AGBL4: variants seen among roughly 807,000 people sequenced by gnomAD.
AGBL4 encodes the protein AGBL carboxypeptidase 4.
Under a neutral mutation model 66.4 loss-of-function variants are expected in AGBL4, and 58 were observed. The observed-to-expected ratio is 0.87, with a 90% CI of 0.71 to 1.09. The LOEUF is 1.09. AGBL4 is among the 50% of genes least tolerant of loss of function. AGBL4 has a pLI of 0.00. For missense variants in AGBL4, 579 were observed against 631.0 expected (o/e 0.92, Z 0.88); for synonymous variants, 234 against 222.9 (o/e 1.05, Z -0.44).
At chr1:49,234,566 G>C (rs1650569756) in intron 4 of AGBL4, among the ~76,000 whole-genome samples, 1 of 152,148 alleles carries the variant, frequency 6.6e-6, no homozygotes, top group Non-Finnish European at 1.5e-5. Flanking sequence ...ACTGATTATA[G>C]AGTATCAGTG....
intron 3 of AGBL4, among the ~76,000 whole-genome samples, chr1:49,387,761 T>G (rs2148586829): frequency 6.6e-6 from 1 of 152,214 alleles, no homozygotes; most frequent in African/African-American, 2.4e-5. Flanking sequence ...TGCTAGACTT[T>G]TGTACCCATT....
intron 2 of AGBL4, among the ~76,000 whole-genome samples, chr1:49,739,840 A>G (rs1650269531): frequency 6.6e-6 from 1 of 152,220 alleles, no homozygotes. Flanking sequence ...TCCTTCACAG[A>G]CAAGCAAATG....
At chr1:48,905,177 G>C (rs572893009) in intron 5 of AGBL4, among the ~76,000 whole-genome samples, 2 of 152,264 alleles carry the variant, frequency 1.3e-5, no homozygotes, top group East Asian at 1.9e-4. Flanking sequence ...TCCTTTTCAA[G>C]GGCCCTCAAC....
intron 3 of AGBL4, among the ~76,000 whole-genome samples, chr1:49,250,721 G>A (rs560392744): frequency 9.9e-5 from 15 of 152,212 alleles, no homozygotes; most frequent in South Asian, 6.2e-4. Context: ...GATTACAGGC[G>A]TGAGCCACTG....
At chr1:49,170,662 G>A (rs1646722329) in intron 4 of AGBL4, among the ~76,000 whole-genome samples, 1 of 149,148 alleles carries the variant, frequency 6.7e-6, no homozygotes, top group Non-Finnish European at 1.5e-5. Context: ...AACTATATAT[G>A]TTTTAAATAT....
intron 2 of AGBL4, among the ~76,000 whole-genome samples, chr1:49,813,407 C>T (rs984581388): frequency 6.6e-6 from 1 of 152,120 alleles, no homozygotes; most frequent in African/African-American, 2.4e-5. Flanking sequence ...TCTGCAAAGA[C>T]GTATTAATTG....
chr1:49,693,852 T>C (rs1646933872), intron 3 of AGBL4, among the ~76,000 whole-genome samples: 1 of 152,162 alleles, frequency 6.6e-6, no homozygotes, highest in African/African-American at 2.4e-5. Context: ...GCTGCATTAA[T>C]ACATTTCCAC....
intron 4 of AGBL4, among the ~76,000 whole-genome samples, chr1:49,119,079 C>T (rs1369877363): frequency 6.6e-6 from 1 of 151,730 alleles, no homozygotes; most frequent in Admixed American, 6.6e-5. Flanking sequence ...CTATTTGATT[C>T]TTCTCTCTTT....
At chr1:49,082,546 A>T (rs1374058638) in intron 4 of AGBL4, among the ~76,000 whole-genome samples, 2 of 152,172 alleles carry the variant, frequency 1.3e-5, no homozygotes, top group Non-Finnish European at 2.9e-5. Context: ...AGACTTTTTC[A>T]CTACTGTAAG....
chr1:48,528,158 G>A (rs953425281), downstream of AGBL4, among the ~76,000 whole-genome samples: 5 of 152,264 alleles, frequency 3.3e-5, no homozygotes, highest in Admixed American at 6.5e-5. Context: ...AGCAAGCGGT[G>A]GAGCTGAAAT....
rs921675686 is a variant in AGBL4, at chr1:48,733,997, T to C, written c.635-70756A>G. ...TTATCTGAAGGCACCCAGGACCTCC[T>C]GAGTCACGTTCCAACAAACATAGCA... is the stretch of plus-strand genomic sequence containing the variant. On this transcript the variant is annotated intron_variant, in intron 6 of 13. Transcript: ENST00000371839. 1.1e-4 allele frequency among the ~76,000 whole-genome samples: 17 copies of C among 152,186 alleles called. 2 individuals are homozygous for C. The highest frequency in any genetic ancestry group is 1.1e-3 in the Admixed American group (17 of 15,286).
chr1:49,565,442 T>TC (rs1644170331), intron 3 of AGBL4, among the ~76,000 whole-genome samples: 1 of 152,178 alleles, frequency 6.6e-6, no homozygotes. Flanking sequence ...TGGCTGGTAC[T>TC]GGTTGTTCCC....
At chr1:49,543,760 T>C (rs909231491) in intron 3 of AGBL4, among the ~76,000 whole-genome samples, 2 of 152,190 alleles carry the variant, frequency 1.3e-5, no homozygotes, top group Non-Finnish European at 2.9e-5. Context: ...ATGTCCTGAT[T>C]ACTGATTTGC....
chr1:49,125,779 A>T (rs1645752729), intron 4 of AGBL4, among the ~76,000 whole-genome samples: 1 of 152,180 alleles, frequency 6.6e-6, no homozygotes, highest in Non-Finnish European at 1.5e-5. Context: ...TACCAAGGGC[A>T]TCCAGATACT....
chr1:49,928,794 C>T (rs1653043572), intron 1 of AGBL4, among the ~76,000 whole-genome samples: 1 of 151,914 alleles, frequency 6.6e-6, no homozygotes, highest in Admixed American at 6.6e-5. Flanking sequence ...CACCATTTGA[C>T]CCTGTATCCC....
intron 1 of AGBL4, among the ~76,000 whole-genome samples, chr1:49,897,351 T>G (rs767699159): frequency 6.6e-6 from 1 of 151,950 alleles, no homozygotes; most frequent in South Asian, 2.1e-4. Flanking sequence ...TAATCCCATA[T>G]ACAATACCCA....
chr1:49,263,443 AG>A (rs1330900044), intron 3 of AGBL4, among the ~76,000 whole-genome samples: 2 of 152,296 alleles, frequency 1.3e-5, no homozygotes, highest in African/African-American at 4.8e-5. Context: ...AAAATATAAA[AG>A]ACCAACAATA....
chr1:48,754,884 A>AC lies in AGBL4; in HGVS notation c.635-91644dup, dbSNP rs201325153. Among the ~76,000 whole-genome samples, 353 of 152,274 alleles carry AC rather than the reference A, an allele frequency of 2.3e-3. 3 individuals carry two copies. In the East Asian group the frequency reaches 0.032, roughly 14 times the overall value. On this transcript the variant is annotated intron_variant, in intron 6 of 13. Transcript: ENST00000371839. ...TACGGGTGAGGGTCTAGAGAGAGGCACGCAGGACCAGGGGTCAGAAGACCC... is the reference window on the plus strand; with the variant it reads ...TACGGGTGAGGGTCTAGAGAGAGGCACCGCAGGACCAGGGGTCAGAAGACCC...
At chr1:48,817,743 G>T in intron 6 of AGBL4, 2 of 331,850 alleles carry the variant, frequency 6.0e-6, no homozygotes, top group South Asian at 9.8e-5. Context: ...GTAGCAACAG[G>T]ACTGGAAGCC....
Sources: allele counts gnomAD v4.1 joint callset (sites outside exome capture counted in the v4.1 genomes callset), GRCh38; gene constraint gnomAD v4.1.1; transcripts MANE v1.5; gene names NCBI Gene and HGNC (gene_info 2026-07-23, HGNC 2026-07-21).